Variants in MSRA observed in about 807,000 individuals in gnomAD.
MSRA encodes mitochondrial peptide methionine sulfoxide reductase.
MSRA carries 54 observed loss-of-function variants against 31.3 expected under a neutral mutation model. The observed-to-expected ratio is 1.73, with a 90% CI of 1.39 to 2.17. The LOEUF (loss-of-function observed/expected upper bound fraction) is 2.17, where lower values mean the gene tolerates loss of function less well. Among genes scored for constraint, MSRA ranks in the 30% most tolerant of loss-of-function variants. MSRA has a pLI of 0.00. For synonymous variants in MSRA, 169 were observed against 116.5 expected (o/e 1.45, Z -2.90); for missense variants, 507 against 300.9 (o/e 1.69, Z -5.07).
intron 3 of MSRA, among the ~76,000 whole-genome samples, chr8:10,268,014 T>C (rs1798835231): frequency 6.6e-6 from 1 of 152,212 alleles, no homozygotes; most frequent in South Asian, 2.1e-4. Context: ...GTCACAATGA[T>C]GGCTTTGCTC....
intron 5 of MSRA, among the ~76,000 whole-genome samples, chr8:10,418,964 C>T (rs7839222): frequency 6.6e-6 from 1 of 151,326 alleles, no homozygotes; most frequent in South Asian, 2.1e-4. Context: ...TCTCCAAAAA[C>T]AAAACAAAAC....
intron 5 of MSRA, among the ~76,000 whole-genome samples, chr8:10,327,671 C>T (rs574673432): frequency 2.6e-5 from 4 of 152,172 alleles, no homozygotes; most frequent in East Asian, 1.9e-4. Context: ...CGGTGGCTCA[C>T]GCCTGTAATC....
At chr8:10,121,814 G>T (rs1368674327) in intron 1 of MSRA, among the ~76,000 whole-genome samples, 1 of 150,804 alleles carries the variant, frequency 6.6e-6, no homozygotes, top group Non-Finnish European at 1.5e-5. Flanking sequence ...GGAACTACAG[G>T]TGCACACCAC....
At chr8:10,133,530 C>G (rs1040255496) in intron 1 of MSRA, among the ~76,000 whole-genome samples, 5 of 152,170 alleles carry the variant, frequency 3.3e-5, no homozygotes, top group Admixed American at 6.5e-5. Context: ...CTTCATCACT[C>G]TAGGGTTTAA....
chr8:10,210,169 T>C (rs554556138), intron 2 of MSRA, among the ~76,000 whole-genome samples: 1 of 152,158 alleles, frequency 6.6e-6, no homozygotes, highest in African/African-American at 2.4e-5. Context: ...TTGGGATACA[T>C]TGGGCATTTC....
intron 5 of MSRA, among the ~76,000 whole-genome samples, chr8:10,360,357 G>C (rs888131240): frequency 1.1e-4 from 16 of 152,260 alleles, no homozygotes; most frequent in Admixed American, 3.3e-4. Context: ...CCTTGTGGTT[G>C]TTGGTGGTTT....
intron 3 of MSRA, among the ~76,000 whole-genome samples, chr8:10,245,689 G>C (rs1797588518): frequency 6.6e-6 from 1 of 152,226 alleles, no homozygotes; most frequent in African/African-American, 2.4e-5. Context: ...GGGGATGATG[G>C]ACCATATGTC....
At chr8:10,295,594 C>G (rs1209834761) in intron 3 of MSRA, among the ~76,000 whole-genome samples, 1 of 152,220 alleles carries the variant, frequency 6.6e-6, no homozygotes, top group Non-Finnish European at 1.5e-5. Context: ...ACCTGCTTCC[C>G]TGCTGGCGAA....
chr8:10,428,001 G>A, intron 5 of MSRA, 147 bp from the exon 6 acceptor site: 1 of 740,556 alleles, frequency 1.4e-6, no homozygotes, highest in South Asian at 2.0e-5. Context: ...ACTCCACTTG[G>A]AATGCGGAGA....
intron 1 of MSRA, among the ~76,000 whole-genome samples, chr8:10,169,039 G>C (rs1787664701): frequency 6.6e-6 from 1 of 152,190 alleles, no homozygotes; most frequent in African/African-American, 2.4e-5. Flanking sequence ...GCATTCGTAT[G>C]ATTTTCCCCA....
At chr8:10,165,761 C>T (rs1805069956) in intron 1 of MSRA, among the ~76,000 whole-genome samples, 1 of 152,202 alleles carries the variant, frequency 6.6e-6, no homozygotes, top group Non-Finnish European at 1.5e-5. Context: ...CAATTGGAGG[C>T]ATTGCAGAGT....
chr8:10,054,590 A>T lies in MSRA; in HGVS notation c.74A>T (p.Asn25Ile), dbSNP rs1031148739. The T allele has an allele frequency of 3.8e-6, 6 of 1,581,614 alleles. No homozygotes were observed. Among genetic ancestry groups the T allele is most frequent in the African/African-American group, 2.8e-5 (2 of 71,818 alleles). Residue 25 changes from asparagine (N) to isoleucine (I), a missense_variant, in exon 1 of 6, where the codon AAC (asparagine) becomes ATC (isoleucine). By Grantham distance (149) the Asn-to-Ile change is moderately radical. Coordinates refer to ENST00000317173, the MANE Select transcript of MSRA (RefSeq NM_012331.5). ...CTCTTTCCCGTCCCGAGGATGGGCA[A>T]CTCGGCCTCGAACATCGTCAGCCCC... Reference protein sequence around the residue: ...HSLFPVPRMGNSASNIVSPQE... With the variant: ...HSLFPVPRMGISASNIVSPQE...
chr8:10,218,713 G>C (rs1298049949), intron 2 of MSRA, among the ~76,000 whole-genome samples: 1 of 152,210 alleles, frequency 6.6e-6, no homozygotes, highest in Non-Finnish European at 1.5e-5. Flanking sequence ...ATTCCCAAGT[G>C]TCAGTGTATA....
At chr8:10,251,862 G>A (rs1004116875) in intron 3 of MSRA, among the ~76,000 whole-genome samples, 18 of 81,950 alleles carry the variant, frequency 2.2e-4, no homozygotes, top group Non-Finnish European at 3.4e-4. Context: ...TTGACATGGT[G>A]GGGGGGGGGG....
intron 5 of MSRA, among the ~76,000 whole-genome samples, chr8:10,387,147 A>G (rs1206231715): frequency 2.6e-5 from 4 of 152,162 alleles, no homozygotes; most frequent in African/African-American, 9.7e-5. Context: ...TAGTGAGGCT[A>G]GAGGATCCGT....
intron 5 of MSRA, among the ~76,000 whole-genome samples, chr8:10,336,417 TAG>T (rs1563365251): frequency 6.7e-6 from 1 of 150,314 alleles, no homozygotes; most frequent in Non-Finnish European, 1.5e-5. Flanking sequence ...GCACATGTGA[TAG>T]AAAAAAAAAA....
At chr8:10,133,430 G>T (rs1407950604) in intron 1 of MSRA, among the ~76,000 whole-genome samples, 1 of 152,160 alleles carries the variant, frequency 6.6e-6, no homozygotes, top group African/African-American at 2.4e-5. Context: ...GTGCTTCAGC[G>T]ACAAGGACCA....
At chr8:10,079,884 G>A (rs984927642) in intron 1 of MSRA, among the ~76,000 whole-genome samples, 4 of 152,160 alleles carry the variant, frequency 2.6e-5, no homozygotes, top group Admixed American at 6.5e-5. Context: ...TAACTTCTCT[G>A]TTCATAAATT....
intron 1 of MSRA, among the ~76,000 whole-genome samples, chr8:10,199,619 G>A (rs1808326077): frequency 6.6e-6 from 1 of 152,102 alleles, no homozygotes; most frequent in Admixed American, 6.5e-5. Flanking sequence ...TCTCCATTCA[G>A]CTTTGCCATC....
Sources: allele counts gnomAD v4.1 joint callset (sites outside exome capture counted in the v4.1 genomes callset), GRCh38; gene constraint gnomAD v4.1.1; transcripts MANE v1.5; gene names NCBI Gene and HGNC (gene_info 2026-07-23, HGNC 2026-07-21).